The following NCAM1 variants were observed in gnomAD, a reference collection of about 807,000 sequenced individuals.
NCAM1 encodes the protein neural cell adhesion molecule 1.
A neutral mutation model predicts 109.8 loss-of-function variants in NCAM1; 14 were observed. The observed-to-expected ratio is 0.13, with a 90% CI of 0.08 to 0.20. The LOEUF (loss-of-function observed/expected upper bound fraction) is 0.20. NCAM1 is among the 10% of genes least tolerant of loss of function. NCAM1 has a pLI of 1.00. For synonymous variants in NCAM1, 418 were observed against 442.9 expected, an observed-to-expected ratio of 0.94 and a Z score of 0.70; for missense variants, 774 against 1,109.9, an observed-to-expected ratio of 0.70 and a Z score of 4.30.
At chr11:113,193,840 A>G (rs1943772154) in intron 1 of NCAM1, among the ~76,000 whole-genome samples, 1 of 152,124 alleles carries the variant, frequency 6.6e-6, no homozygotes, top group Non-Finnish European at 1.5e-5. Flanking sequence ...TTCTTGCCCT[A>G]TAACCAGAAG....
chr11:113,219,394 C>G (rs1413784699), intron 8 of NCAM1, among the ~76,000 whole-genome samples: 3 of 152,144 alleles, frequency 2.0e-5, no homozygotes, highest in African/African-American at 7.2e-5. Context: ...AATGGAATAC[C>G]TAAGAAAACT....
chr11:113,124,622 C>T (rs1447205544), intron 1 of NCAM1, among the ~76,000 whole-genome samples: 3 of 152,168 alleles, frequency 2.0e-5, no homozygotes, highest in Non-Finnish European at 4.4e-5. Flanking sequence ...CATTCTTTGG[C>T]ATAGCTCCTG....
chr11:113,024,111 T>C (rs1475651921), intron 1 of NCAM1, among the ~76,000 whole-genome samples: 1 of 152,190 alleles, frequency 6.6e-6, no homozygotes, highest in Non-Finnish European at 1.5e-5. Flanking sequence ...GTGGGCAAGG[T>C]CAGAGCACTG....
intron 1 of NCAM1, among the ~76,000 whole-genome samples, chr11:113,047,036 AAAC>A (rs1407435072): frequency 6.6e-6 from 1 of 152,346 alleles, no homozygotes; most frequent in Non-Finnish European, 1.5e-5. Flanking sequence ...GCTTTCATGT[AAAC>A]AACATTTGCT....
intron 1 of NCAM1, among the ~76,000 whole-genome samples, chr11:113,193,533 A>G (rs1242382936): frequency 6.6e-6 from 1 of 152,148 alleles, no homozygotes; most frequent in Non-Finnish European, 1.5e-5. Flanking sequence ...TGGGCCTGTA[A>G]TCTCAGCTAC....
rs1555125976 is a variant in NCAM1, at chr11:113,273,664, C to A, written c.2457-1603C>A. On this transcript the variant is annotated intron_variant, in intron 19 of 19. Coordinates refer to ENST00000316851, the MANE Select transcript of NCAM1 (RefSeq NM_181351.5). This position sits in a 1 kb window ranked among gnomAD's most constrained non-coding sequence, Gnocchi z 6.0. ...TTTGCAGCCCTGGGCTCTCCTGCTC[C>A]CGCCGCTGGGGCCAGTGGACAAGCC... is the stretch of plus-strand genomic sequence containing the variant. 2.2e-6 allele frequency: 1 copy of A among 456,242 alleles called. No homozygotes were observed. The highest frequency in any genetic ancestry group is 7.0e-5 in the East Asian group (1 of 14,364). 28.3% of individuals were successfully genotyped at this position (456,242 alleles called of 1,614,324 possible).
chr11:113,056,014 T>A (rs1555082516), intron 1 of NCAM1, among the ~76,000 whole-genome samples: 25 of 104,178 alleles, frequency 2.4e-4, no homozygotes, highest in East Asian at 1.7e-3. Context: ...TATATATATA[T>A]ATATATATAT....
chr11:113,005,198 G>A (rs530791641), intron 1 of NCAM1, among the ~76,000 whole-genome samples: 2 of 152,182 alleles, frequency 1.3e-5, no homozygotes, highest in South Asian at 2.1e-4. Context: ...CTACTGGTCA[G>A]TTAGCCTAAT....
chr11:113,151,513 T>G (rs1942223620), intron 1 of NCAM1, among the ~76,000 whole-genome samples: 1 of 152,206 alleles, frequency 6.6e-6, no homozygotes, highest in Non-Finnish European at 1.5e-5. Flanking sequence ...TTCAATGAAT[T>G]TTTCACTTTT....
At chr11:113,218,210 C>T (rs1405330163) in intron 8 of NCAM1, among the ~76,000 whole-genome samples, 1 of 152,132 alleles carries the variant, frequency 6.6e-6, no homozygotes, top group Admixed American at 6.5e-5. Context: ...CACTTATTTG[C>T]AATATCTTTG....
rs1214994338 is a variant in NCAM1 at position 112,962,939 on chromosome 11, G to A, written c.52+1275G>A. On this transcript the variant is annotated intron_variant, in intron 1 of 19. Transcript: ENST00000316851. This position sits in a 1 kb window ranked among gnomAD's most constrained non-coding sequence, Gnocchi z 5.6. Reference sequence around the variant, plus strand: ...GCTGTGTGTCGCGGTCGCAGCTCCAGGTACCGTTGTACCTGCCCTGGACGG... The same window carrying A: ...GCTGTGTGTCGCGGTCGCAGCTCCAAGTACCGTTGTACCTGCCCTGGACGG... Among the ~76,000 whole-genome samples the A allele has an allele frequency of 6.6e-6, 1 of 152,058 alleles. No homozygotes were observed. Among genetic ancestry groups the A allele is most frequent in the African/African-American group, 2.4e-5 (1 of 41,418 alleles).
chr11:113,001,083 T>G (rs1201026096), intron 1 of NCAM1, among the ~76,000 whole-genome samples: 3 of 152,182 alleles, frequency 2.0e-5, no homozygotes, highest in East Asian at 1.9e-4. Context: ...CCGTGAGCCC[T>G]CTAGTCAGTT....
chr11:113,154,997 A>T (rs1047305050), intron 1 of NCAM1, among the ~76,000 whole-genome samples: 2 of 152,154 alleles, frequency 1.3e-5, no homozygotes, highest in African/African-American at 2.4e-5. Flanking sequence ...GTGTAACAAA[A>T]AGCAGGTGAG....
At chr11:113,176,280 G>A (rs1943140950) in intron 1 of NCAM1, among the ~76,000 whole-genome samples, 1 of 152,192 alleles carries the variant, frequency 6.6e-6, no homozygotes, top group African/African-American at 2.4e-5. Flanking sequence ...GCCTCTTGGA[G>A]GCTAATAGAT....
chr11:112,968,988 T>G (rs534849909), intron 1 of NCAM1, among the ~76,000 whole-genome samples: 1 of 152,302 alleles, frequency 6.6e-6, no homozygotes, highest in African/African-American at 2.4e-5. Flanking sequence ...CCTTTAGAGC[T>G]TACCACCTGG....
intron 1 of NCAM1, among the ~76,000 whole-genome samples, chr11:113,111,053 A>G (rs1363926606): frequency 1.3e-5 from 2 of 152,212 alleles, no homozygotes; most frequent in African/African-American, 2.4e-5. Flanking sequence ...CTAAAAGATG[A>G]TAAATAACCT....
intron 1 of NCAM1, among the ~76,000 whole-genome samples, chr11:113,017,316 A>C (rs1195835403): frequency 2.6e-5 from 4 of 152,246 alleles, no homozygotes; most frequent in Non-Finnish European, 5.9e-5. Context: ...AATTGTGTTT[A>C]GACATGAACA....
At chr11:113,269,919 C>G in intron 17 of NCAM1, 3 of 533,092 alleles carry the variant, frequency 5.6e-6, no homozygotes. Context: ...TCAGTCTGCT[C>G]CCAGGACTCA....
chr11:112,996,544 A>G (rs1324262718), intron 1 of NCAM1, among the ~76,000 whole-genome samples: 6 of 152,230 alleles, frequency 3.9e-5, no homozygotes, highest in Admixed American at 2.6e-4. Context: ...TCTTGATACA[A>G]ACGATTATTT....
Sources: gnomAD v4.1 joint callset for allele counts (sites outside exome capture counted in the v4.1 genomes callset) on GRCh38, gnomAD v4.1.1 for gene constraint, Gnocchi (gnomAD v3.1) non-coding constraint, MANE v1.5 for transcripts, NCBI Gene and HGNC (gene_info 2026-07-23, HGNC 2026-07-21) for gene names.